The following ADAMTSL1 variants were observed in gnomAD, a reference collection of about 807,000 sequenced individuals.
ADAMTSL1 encodes ADAMTS-like protein 1.
A neutral mutation model predicts 201.8 loss-of-function variants in ADAMTSL1; 126 were observed. That is an observed-to-expected ratio of 0.62 (90% CI 0.54 to 0.72). The LOEUF (loss-of-function observed/expected upper bound fraction) is 0.72, where lower values mean the gene tolerates loss of function less well. ADAMTSL1 is among the 30% of genes least tolerant of loss of function. The pLI, the probability that ADAMTSL1 is intolerant of heterozygous loss-of-function variation, is 0.00. For missense variants in ADAMTSL1, 2,679 were observed against 2,277.8 expected (o/e 1.18, Z -3.59); for synonymous variants, 1,121 against 903.4 (o/e 1.24, Z -4.32).
chr9:18,187,477 C>G (rs968969025), intron 2 of ADAMTSL1, among the ~76,000 whole-genome samples: 1 of 152,008 alleles, frequency 6.6e-6, no homozygotes, highest in African/African-American at 2.4e-5. Context: ...TAGTTAAGAT[C>G]TTGATAAGAT....
intron 23 of ADAMTSL1, among the ~76,000 whole-genome samples, chr9:18,859,409 GA>G (rs1285115013): frequency 1.3e-5 from 2 of 152,214 alleles, no homozygotes; most frequent in East Asian, 3.9e-4. Context: ...TTGCATAATC[GA>G]GGATAATCCC....
chr9:18,583,858 TG>T (rs1449461557), intron 4 of ADAMTSL1, among the ~76,000 whole-genome samples: 1 of 152,216 alleles, frequency 6.6e-6, no homozygotes, highest in African/African-American at 2.4e-5. Context: ...CCCTTTGTTT[TG>T]GCCAATTTCT....
chr9:18,137,037 G>C (rs950953472), intron 1 of ADAMTSL1, among the ~76,000 whole-genome samples: 6 of 152,264 alleles, frequency 3.9e-5, no homozygotes, highest in African/African-American at 1.4e-4. Context: ...CAAGACATTT[G>C]AGAGATTATC....
intron 1 of ADAMTSL1, among the ~76,000 whole-genome samples, chr9:18,015,913 C>G (rs1017899488): frequency 1.3e-5 from 2 of 152,004 alleles, no homozygotes; most frequent in African/African-American, 4.8e-5. Context: ...TATTGCCATA[C>G]CCTTTCTCCA....
chr9:18,774,987 T>C (rs1028118283), intron 17 of ADAMTSL1, among the ~76,000 whole-genome samples: 1 of 152,226 alleles, frequency 6.6e-6, no homozygotes, highest in African/African-American at 2.4e-5. Flanking sequence ...CTGTATCATT[T>C]TACTTTCCCA....
intron 2 of ADAMTSL1, among the ~76,000 whole-genome samples, chr9:18,181,511 A>T (rs1342152193): frequency 2.0e-5 from 3 of 151,732 alleles, no homozygotes; most frequent in Admixed American, 6.6e-5. Flanking sequence ...GAAGACATTT[A>T]TGCAGCCAAA....
chr9:18,595,930 A>G (rs1420964750), intron 4 of ADAMTSL1, among the ~76,000 whole-genome samples: 1 of 152,212 alleles, frequency 6.6e-6, no homozygotes, highest in African/African-American at 2.4e-5. Context: ...GGGCTCTGCT[A>G]GGCTTTCACA....
chr9:18,904,595 C>A (rs1221794221), intron 26 of ADAMTSL1, among the ~76,000 whole-genome samples: 3 of 122,532 alleles, frequency 2.4e-5, no homozygotes, highest in African/African-American at 9.3e-5. Context: ...GATTGTGCCA[C>A]TGCACTCCAG....
chr9:18,722,511 G>C (rs1012745802), intron 15 of ADAMTSL1, among the ~76,000 whole-genome samples: 1 of 152,190 alleles, frequency 6.6e-6, no homozygotes, highest in Non-Finnish European at 1.5e-5. Context: ...GTTAATACCT[G>C]TATTGCTGTC....
intron 4 of ADAMTSL1, among the ~76,000 whole-genome samples, chr9:18,592,867 T>C (rs1824015929): frequency 6.6e-6 from 1 of 152,218 alleles, no homozygotes; most frequent in Admixed American, 6.5e-5. Flanking sequence ...GGAATCTTTT[T>C]TCATTTTTTG....
intron 2 of ADAMTSL1, among the ~76,000 whole-genome samples, chr9:18,302,608 C>T (rs1168843559): frequency 6.6e-6 from 1 of 152,164 alleles, no homozygotes; most frequent in East Asian, 1.9e-4. Flanking sequence ...TAAATACACA[C>T]TGGTTGATTT....
chr9:18,586,473 G>T lies in ADAMTSL1; in HGVS notation c.474+12207G>T, dbSNP rs1823497377. Among the ~76,000 whole-genome samples, 3 of 152,088 alleles carry T rather than the reference G, an allele frequency of 2.0e-5. No individual in the cohort carries two copies. The South Asian group carries it at 6.2e-4, about 31-fold the overall frequency. On this transcript the variant is annotated intron_variant, in intron 4 of 28. Transcript: ENST00000380548. ...ACAAACAAATGAAAAAACATTCCAT[G>T]CTCATGGATAGGAAGAATCAGTATC...
intron 8 of ADAMTSL1, among the ~76,000 whole-genome samples, chr9:18,661,484 G>A (rs577515680): frequency 6.6e-6 from 1 of 152,298 alleles, no homozygotes; most frequent in Non-Finnish European, 1.5e-5. Context: ...TGCAAGGGGA[G>A]CAATGTGGGA....
intron 2 of ADAMTSL1, among the ~76,000 whole-genome samples, chr9:18,176,791 TA>T (rs1207664389): frequency 2.6e-5 from 4 of 152,194 alleles, no homozygotes; most frequent in Non-Finnish European, 5.9e-5. Flanking sequence ...ACTGTTGGGA[TA>T]TTTTTGTTTT....
chr9:18,869,166 G>C (rs1274196792), intron 23 of ADAMTSL1, among the ~76,000 whole-genome samples: 1 of 152,216 alleles, frequency 6.6e-6, no homozygotes, highest in Non-Finnish European at 1.5e-5. Context: ...ACCAGAAACT[G>C]GGAGAGAGGC....
intron 7 of ADAMTSL1, among the ~76,000 whole-genome samples, chr9:18,641,261 A>G (rs1205113379): frequency 6.6e-6 from 1 of 152,002 alleles, no homozygotes; most frequent in African/African-American, 2.4e-5. Flanking sequence ...TTCTGTCTGT[A>G]TCTCCCCACC....
chr9:18,407,357 T>C (rs1818250204), intron 2 of ADAMTSL1, among the ~76,000 whole-genome samples: 1 of 152,214 alleles, frequency 6.6e-6, no homozygotes, highest in Non-Finnish European at 1.5e-5. Context: ...ATTTATCATC[T>C]GGAGCTCAGG....
intron 1 of ADAMTSL1, among the ~76,000 whole-genome samples, chr9:18,070,015 G>A (rs1188248864): frequency 1.3e-5 from 2 of 152,156 alleles, no homozygotes; most frequent in Non-Finnish European, 2.9e-5. Flanking sequence ...CATATTGAGT[G>A]GAAATGTCTG....
At chr9:18,617,251 A>C (rs1280065444) in intron 4 of ADAMTSL1, among the ~76,000 whole-genome samples, 3 of 152,154 alleles carry the variant, frequency 2.0e-5, no homozygotes, top group African/African-American at 7.2e-5. Flanking sequence ...ATGTTTATTT[A>C]TGTTCTCCAA....
Sources: allele counts gnomAD v4.1 joint callset (sites outside exome capture counted in the v4.1 genomes callset), GRCh38; gene constraint gnomAD v4.1.1; transcripts MANE v1.5; gene names NCBI Gene and HGNC (gene_info 2026-07-23, HGNC 2026-07-21).